Variants in CDC73 observed in about 807,000 individuals in gnomAD.
CDC73 encodes cell division cycle 73.
A neutral mutation model predicts 83.7 loss-of-function variants in CDC73; 21 were observed. The observed-to-expected ratio is 0.25, with a 90% CI of 0.18 to 0.36. The LOEUF (loss-of-function observed/expected upper bound fraction) is 0.36. Ranked by LOEUF, CDC73 falls within the 10% of genes least tolerant of loss-of-function variation. The pLI is 1.00. For synonymous variants in CDC73, 224 were observed against 212.9 expected (o/e 1.05, Z -0.45); for missense variants, 342 against 653.3 (o/e 0.52, Z 5.19).
chr1:193,229,719 A>T (rs1402020308), intron 13 of CDC73, among the ~76,000 whole-genome samples: 1 of 152,240 alleles, frequency 6.6e-6, no homozygotes. Flanking sequence ...AATTCTACTT[A>T]ACAATAAAAA....
chr1:193,186,812 A>G (rs993710475), intron 10 of CDC73, among the ~76,000 whole-genome samples: 9 of 152,154 alleles, frequency 5.9e-5, no homozygotes, highest in African/African-American at 1.9e-4. Context: ...GATGATTATG[A>G]AATGGTTATG....
At chr1:193,195,776 T>C (rs1676992735) in intron 10 of CDC73, among the ~76,000 whole-genome samples, 1 of 152,218 alleles carries the variant, frequency 6.6e-6, no homozygotes, top group Non-Finnish European at 1.5e-5. Flanking sequence ...TGGTGTATTT[T>C]CATGCACTTA....
chr1:193,143,640 A>G (rs1301854020), intron 7 of CDC73, among the ~76,000 whole-genome samples: 1 of 152,194 alleles, frequency 6.6e-6, no homozygotes, highest in South Asian at 2.1e-4. Context: ...AAATACTTTG[A>G]TAGTCTTTCT....
rs550181815 is a variant in CDC73, at chr1:193,158,676, A to G, written c.972+6232A>G. ...AGAATATTATATTACACTTTAAACA[A>G]TTTTCAAAACTTGTTGCTTGTCTTG... On this transcript the variant is annotated intron_variant, in intron 10 of 16. Transcript: ENST00000367435. 1.2e-3 allele frequency among the ~76,000 whole-genome samples: 185 copies of G among 152,238 alleles called. 1 individual carries two copies. Among genetic ancestry groups the G allele is most frequent in the African/African-American group, 4.3e-3 (178 of 41,544 alleles).
intron 10 of CDC73, among the ~76,000 whole-genome samples, chr1:193,182,513 A>T (rs1384107167): frequency 6.6e-6 from 1 of 152,184 alleles, no homozygotes; most frequent in Non-Finnish European, 1.5e-5. Flanking sequence ...CCAACTGTTT[A>T]AAATTCTGAA....
intron 10 of CDC73, among the ~76,000 whole-genome samples, chr1:193,201,266 GC>G (rs1677086409): frequency 6.6e-6 from 1 of 152,168 alleles, no homozygotes. Flanking sequence ...TTTGTAGAGT[GC>G]TGAGATGGGA....
At chr1:193,125,703 A>T (rs988112404) in intron 2 of CDC73, among the ~76,000 whole-genome samples, 7 of 151,080 alleles carry the variant, frequency 4.6e-5, no homozygotes, top group Non-Finnish European at 1.0e-4. Flanking sequence ...CAGTCTCCTG[A>T]GAAACTGGGA....
rs370273954 is a variant in CDC73 at position 193,180,569 on chromosome 1, A to G, written c.973-23226A>G. ...TCCAAGTGCAAACGGCGGATACCTA[A>G]AGAAACTTTAAAAATCTTTTCTGCC... On this transcript the variant is annotated intron_variant, in intron 10 of 16. Coordinates refer to ENST00000367435, the MANE Select transcript of CDC73 (RefSeq NM_024529.5). 5.0e-6 allele frequency: 8 copies of G among 1,614,036 alleles called. No individual in the cohort carries two copies. In the African/African-American group the frequency reaches 1.1e-4, roughly 22 times the overall value.
At chr1:193,237,125 A>C (rs1262181002) in intron 15 of CDC73, 2 of 151,518 alleles carry the variant, frequency 1.3e-5, no homozygotes, top group Non-Finnish European at 2.9e-5. Context: ...TTGTATTTTT[A>C]GTAGAGAGGG....
At chr1:193,155,492 GT>G (rs1180305926) in intron 10 of CDC73, among the ~76,000 whole-genome samples, 1 of 152,040 alleles carries the variant, frequency 6.6e-6, no homozygotes, top group Non-Finnish European at 1.5e-5. Flanking sequence ...GAAACACTAG[GT>G]TAGGCCAGGC....
At chr1:193,177,555 A>G (rs1676630988) in intron 10 of CDC73, among the ~76,000 whole-genome samples, 1 of 150,306 alleles carries the variant, frequency 6.7e-6, no homozygotes, top group Non-Finnish European at 1.5e-5. Flanking sequence ...AAAGAACATG[A>G]TCCTTGAAAT....
intron 13 of CDC73, among the ~76,000 whole-genome samples, chr1:193,216,963 C>T (rs752514250): frequency 6.6e-6 from 1 of 152,186 alleles, no homozygotes; most frequent in Non-Finnish European, 1.5e-5. Flanking sequence ...CCGTCTATGA[C>T]AGTCCTACAG....
intron 10 of CDC73, among the ~76,000 whole-genome samples, chr1:193,173,751 A>G (rs777619174): frequency 1.3e-4 from 20 of 152,192 alleles, no homozygotes; most frequent in Non-Finnish European, 1.6e-4. Flanking sequence ...AATACATAAG[A>G]TAAAACCAAT....
At chr1:193,187,078 A>G (rs941105755) in intron 10 of CDC73, among the ~76,000 whole-genome samples, 2 of 88,336 alleles carry the variant, frequency 2.3e-5, no homozygotes, top group African/African-American at 7.5e-5. Context: ...TTTCTATTGA[A>G]ACCATGTATC....
chr1:193,245,356 A>G (rs555818888), intron 15 of CDC73, among the ~76,000 whole-genome samples: 2 of 152,200 alleles, frequency 1.3e-5, no homozygotes, highest in African/African-American at 4.8e-5. Context: ...GCTTCTACAT[A>G]TGAGAGAGAA....
At chr1:193,137,108 AC>A (rs1558283192) in intron 5 of CDC73, among the ~76,000 whole-genome samples, 1 of 152,212 alleles carries the variant, frequency 6.6e-6, no homozygotes, top group African/African-American at 2.4e-5. Flanking sequence ...GGAAAGAGAA[AC>A]TGAGGGTAGA....
At chr1:193,236,945 G>GTT (rs1446702785) in intron 15 of CDC73, 181 of 135,010 alleles carry the variant, frequency 1.3e-3, no homozygotes, top group African/African-American at 3.6e-3. Flanking sequence ...ATTGATGCCA[G>GTT]TTTTTTTTTT....
intron 10 of CDC73, chr1:193,161,052 T>TC (rs940230010): frequency 1.2e-5 from 2 of 166,896 alleles, no homozygotes; most frequent in Admixed American, 1.3e-4. Context: ...AGTTAGTTCA[T>TC]CCCCTTTCCC....
At chr1:193,250,477 C>T (rs1365163783) in intron 16 of CDC73, among the ~76,000 whole-genome samples, 199 bp from the exon 17 acceptor site, 3 of 151,734 alleles carry the variant, frequency 2.0e-5, no homozygotes, top group Non-Finnish European at 4.4e-5. Flanking sequence ...TAGCTAGAAG[C>T]TCTTAGATTA....
Sources: allele counts gnomAD v4.1 joint callset (sites outside exome capture counted in the v4.1 genomes callset), GRCh38; gene constraint gnomAD v4.1.1; transcripts MANE v1.5; gene names NCBI Gene and HGNC (gene_info 2026-07-23, HGNC 2026-07-21).